The following SAMD12 variants were observed in gnomAD, a reference collection of about 807,000 sequenced individuals.
The protein encoded by SAMD12 is sterile alpha motif domain containing 12.
Under a neutral mutation model 15.0 loss-of-function variants are expected in SAMD12, and 9 were observed. The ratio of observed to expected loss-of-function variants is 0.60; its 90% CI spans 0.36 to 1.05. The LOEUF is 1.05. Ranked by LOEUF, SAMD12 falls within the 50% of genes least tolerant of loss-of-function variation. The pLI is 0.01. For synonymous variants in SAMD12, 86 were observed against 90.1 expected (o/e 0.96, Z 0.25); for missense variants, 230 against 234.2 (o/e 0.98, Z 0.12).
At chr8:118,498,442 A>G (rs2079180759) in intron 2 of SAMD12, among the ~76,000 whole-genome samples, 1 of 152,240 alleles carries the variant, frequency 6.6e-6, no homozygotes. Flanking sequence ...ACCTCGCAAC[A>G]CTGCTAGAGG....
At chr8:118,463,665 C>A (rs1395681996) in intron 2 of SAMD12, among the ~76,000 whole-genome samples, 1 of 152,044 alleles carries the variant, frequency 6.6e-6, no homozygotes, top group Admixed American at 6.5e-5. Flanking sequence ...AAAGGCTAAG[C>A]CGGAAAAAAC....
chr8:118,596,234 C>G (rs1827721666), intron 1 of SAMD12, among the ~76,000 whole-genome samples: 1 of 152,166 alleles, frequency 6.6e-6, no homozygotes, highest in African/African-American at 2.4e-5. Context: ...TTGTTCGCTG[C>G]TCAGATTCCA....
chr8:118,337,126 G>A (rs1586555906), intron 4 of SAMD12, among the ~76,000 whole-genome samples: 1 of 151,330 alleles, frequency 6.6e-6, no homozygotes, highest in East Asian at 1.9e-4. Flanking sequence ...AAACCTGCAT[G>A]TTGTGCACAT....
At position 118,368,188 on chromosome 8, in the gene SAMD12, C is replaced by T. The variant is rs540859584; in HGVS notation, c.433+11372G>A. On this transcript the variant is annotated intron_variant, in intron 4 of 4. Coordinates refer to the SAMD12 transcript ENST00000409003. ...AGGGTGCGAAGATTTTGAAATGTGT[C>T]GGGGGAAATCTTAAGGAGGTAGCAG... Among the ~76,000 whole-genome samples the T allele has an allele frequency of 7.2e-5, 11 of 152,118 alleles. No individual in the cohort carries two copies. In the East Asian group the frequency reaches 9.7e-4, roughly 13 times the overall value.
intron 2 of SAMD12, among the ~76,000 whole-genome samples, chr8:118,492,818 T>A (rs111995258): frequency 2.6e-5 from 4 of 152,330 alleles, no homozygotes; most frequent in African/African-American, 9.6e-5. Context: ...AAACCATATA[T>A]GAAAGCTAAT....
At chr8:118,545,523 G>A (rs537148143) in intron 2 of SAMD12, among the ~76,000 whole-genome samples, 3 of 152,116 alleles carry the variant, frequency 2.0e-5, no homozygotes, top group East Asian at 1.9e-4. Flanking sequence ...CACCACACAG[G>A]TATTTATGCA....
chr8:118,190,305 C>T (rs1328432784), exon 5 of SAMD12: 2 of 152,098 alleles, frequency 1.3e-5, no homozygotes, highest in Non-Finnish European at 2.9e-5. Context: ...TGCAGTAGTT[C>T]ATCAAAAAAG....
At chr8:118,271,150 G>T (rs972501750) in intron 4 of SAMD12, among the ~76,000 whole-genome samples, 3 of 152,170 alleles carry the variant, frequency 2.0e-5, no homozygotes, top group Non-Finnish European at 2.9e-5. Context: ...AAAGGAAAGA[G>T]GTTTAACTGA....
At chr8:118,591,382 T>C (rs949737487) in intron 1 of SAMD12, among the ~76,000 whole-genome samples, 4 of 152,204 alleles carry the variant, frequency 2.6e-5, no homozygotes, top group African/African-American at 4.8e-5. Context: ...TTCTGTAAAA[T>C]GGCAATACTA....
At chr8:118,133,373 T>C in the SAMD12 span, among the ~76,000 whole-genome samples, 1 of 152,010 alleles carries the variant, frequency 6.6e-6, no homozygotes, top group African/African-American at 2.4e-5. Context: ...CAGGGATACA[T>C]GTGCAGGATG....
At chr8:118,347,563 T>C (rs188416901) in intron 4 of SAMD12, among the ~76,000 whole-genome samples, 4 of 152,354 alleles carry the variant, frequency 2.6e-5, no homozygotes, top group African/African-American at 4.8e-5. Context: ...TAATAATGCA[T>C]ATTAGCATAT....
intron 3 of SAMD12, among the ~76,000 whole-genome samples, chr8:118,394,201 T>C (rs1820434795): frequency 6.6e-6 from 1 of 152,206 alleles, no homozygotes; most frequent in Non-Finnish European, 1.5e-5. Context: ...GGTTACATAC[T>C]AAAAGCTATG....
At chr8:118,178,322 T>C in the SAMD12 span, among the ~76,000 whole-genome samples, 5 of 152,158 alleles carry the variant, frequency 3.3e-5, no homozygotes, top group African/African-American at 4.8e-5. Context: ...GACACACTTA[T>C]GGAAATGCAT....
intron 4 of SAMD12, among the ~76,000 whole-genome samples, chr8:118,338,022 G>A (rs1212071261): frequency 6.6e-6 from 1 of 152,208 alleles, no homozygotes; most frequent in African/African-American, 2.4e-5. Flanking sequence ...ATCCCCTACA[G>A]ATAAGGGGAG....
At chr8:118,394,793 G>C (rs1263368426) in intron 3 of SAMD12, 1 of 152,218 alleles carries the variant, frequency 6.6e-6, no homozygotes, top group Non-Finnish European at 1.5e-5. Flanking sequence ...AGAGATTATA[G>C]TGCTGGAGTT....
intron 4 of SAMD12, among the ~76,000 whole-genome samples, chr8:118,343,752 G>A (rs866366661): frequency 2.0e-5 from 3 of 152,266 alleles, no homozygotes; most frequent in Middle Eastern, 3.4e-3. Flanking sequence ...AGTGTATTGT[G>A]TAGAGGGGGA....
intron 2 of SAMD12, among the ~76,000 whole-genome samples, chr8:118,492,141 A>ATTTTTTTTTTTTTTTTTT (rs1824459423): frequency 7.8e-6 from 1 of 127,950 alleles, no homozygotes; most frequent in Non-Finnish European, 1.6e-5. Context: ...TTTTTTTTTA[A>ATTTTTTTTTTTTTTTTTT]GTTTTAAGTC....
intron 4 of SAMD12, among the ~76,000 whole-genome samples, chr8:118,342,968 AC>A (rs1817448984): frequency 6.6e-6 from 1 of 152,094 alleles, no homozygotes; most frequent in Non-Finnish European, 1.5e-5. Flanking sequence ...TATTTCCCTG[AC>A]CCAGTGTGGA....
At chr8:118,604,936 A>T (rs771941324) in intron 1 of SAMD12, among the ~76,000 whole-genome samples, 1 of 152,130 alleles carries the variant, frequency 6.6e-6, no homozygotes, top group African/African-American at 2.4e-5. Context: ...AAATAAAAAA[A>T]ATAAAAATAA....
Sources: allele counts gnomAD v4.1 joint callset (sites outside exome capture counted in the v4.1 genomes callset), GRCh38; gene constraint gnomAD v4.1.1; transcripts MANE v1.5; gene names NCBI Gene and HGNC (gene_info 2026-07-23, HGNC 2026-07-21).